The following LHFPL3 variants were observed in gnomAD, a reference collection of about 807,000 sequenced individuals.
LHFPL3 encodes LHFPL tetraspan subfamily member 3 protein.
Under a neutral mutation model 19.3 loss-of-function variants are expected in LHFPL3, and 5 were observed. The observed-to-expected ratio is 0.26, with a 90% CI of 0.14 to 0.54. The LOEUF is 0.54. Among genes scored for constraint, LHFPL3 ranks in the 20% least tolerant of loss-of-function variants. LHFPL3 has a pLI of 0.94. For missense variants in LHFPL3, 249 were observed against 307.4 expected, an observed-to-expected ratio of 0.81 and a Z score of 1.42; for synonymous variants, 133 against 126.2, an observed-to-expected ratio of 1.05 and a Z score of -0.36.
chr7:104,527,437 G>A (rs956288587), intron 1 of LHFPL3, among the ~76,000 whole-genome samples: 1 of 152,098 alleles, frequency 6.6e-6, no homozygotes, highest in African/African-American at 2.4e-5. Flanking sequence ...GCGAGGTGTG[G>A]ACAGATTTGG....
intron 1 of LHFPL3, among the ~76,000 whole-genome samples, chr7:104,356,714 A>G (rs1371568531): frequency 1.3e-5 from 2 of 152,196 alleles, no homozygotes; most frequent in African/African-American, 4.8e-5. Flanking sequence ...GCTAGTCATT[A>G]TAGGATCCCA....
At chr7:104,392,893 A>G (rs1791105991) in intron 1 of LHFPL3, among the ~76,000 whole-genome samples, 1 of 152,174 alleles carries the variant, frequency 6.6e-6, no homozygotes, top group East Asian at 1.9e-4. Context: ...TAGGGATTCA[A>G]CTTCTTCCTG....
chr7:104,563,267 G>A (rs1353707721), intron 1 of LHFPL3, among the ~76,000 whole-genome samples: 3 of 152,320 alleles, frequency 2.0e-5, no homozygotes, highest in African/African-American at 4.8e-5. Flanking sequence ...AATGGCGGGC[G>A]CCCCTCCCCC....
intron 2 of LHFPL3, among the ~76,000 whole-genome samples, chr7:104,783,571 C>A (rs35331234): frequency 0.18 from 27,203 of 152,178 alleles, 3,424 homozygotes; most frequent in East Asian, 0.72. Context: ...TTGTAATCAG[C>A]AGTTGGATCA....
At chr7:104,374,252 A>AT (rs1436111519) in intron 1 of LHFPL3, among the ~76,000 whole-genome samples, 5 of 150,050 alleles carry the variant, frequency 3.3e-5, no homozygotes, top group South Asian at 2.1e-4. Context: ...ATACATATAT[A>AT]TTTTTTTTAA....
At chr7:104,741,719 G>A (rs1008389035) in intron 2 of LHFPL3, among the ~76,000 whole-genome samples, 6 of 151,834 alleles carry the variant, frequency 4.0e-5, no homozygotes, top group African/African-American at 9.7e-5. Context: ...GTGTATTGGC[G>A]GCGGGGGTTG....
rs559004403 is a variant in LHFPL3 at position 104,440,753 on chromosome 7, G to T, written c.445+111529G>T. Among the ~76,000 whole-genome samples the T allele has an allele frequency of 1.3e-4, 20 of 152,250 alleles. No individual in the cohort carries two copies. In the East Asian group the frequency reaches 3.9e-3, roughly 29 times the overall value. Reference sequence around the variant, plus strand: ...AAATCAACCATTATTTCTAAGGAATGTTGGTTATCTACATGTAGAATATTT... The same window carrying T: ...AAATCAACCATTATTTCTAAGGAATTTTGGTTATCTACATGTAGAATATTT... On this transcript the variant is annotated intron_variant, in intron 1 of 2. Transcript: ENST00000424859.
intron 1 of LHFPL3, among the ~76,000 whole-genome samples, chr7:104,557,433 G>C (rs963761680): frequency 6.6e-6 from 1 of 152,138 alleles, no homozygotes; most frequent in Non-Finnish European, 1.5e-5. Context: ...AAAACCATCA[G>C]ATCTTGTGGG....
chr7:104,847,235 T>G (rs1330605661), intron 2 of LHFPL3, among the ~76,000 whole-genome samples: 2 of 152,190 alleles, frequency 1.3e-5, no homozygotes, highest in African/African-American at 4.8e-5. Context: ...CTCTGGAACT[T>G]GAGCAGACCC....
chr7:104,469,636 C>T (rs780376061), intron 1 of LHFPL3, among the ~76,000 whole-genome samples: 2 of 152,126 alleles, frequency 1.3e-5, no homozygotes, highest in Non-Finnish European at 2.9e-5. Flanking sequence ...GGACTTAGCC[C>T]TGGGGGATTT....
chr7:104,507,027 G>T (rs1228803673), intron 1 of LHFPL3, among the ~76,000 whole-genome samples: 1 of 152,176 alleles, frequency 6.6e-6, no homozygotes, highest in Non-Finnish European at 1.5e-5. Context: ...TTAGAAGAGA[G>T]AACTGGTGTC....
At chr7:104,434,045 T>C (rs1792054346) in intron 1 of LHFPL3, among the ~76,000 whole-genome samples, 1 of 152,256 alleles carries the variant, frequency 6.6e-6, no homozygotes, top group African/African-American at 2.4e-5. Flanking sequence ...ATTGGGGTTA[T>C]TGTTTTCCAT....
intron 2 of LHFPL3, among the ~76,000 whole-genome samples, chr7:104,847,009 C>T (rs1444471145): frequency 2.0e-5 from 3 of 152,146 alleles, no homozygotes; most frequent in Non-Finnish European, 2.9e-5. Context: ...GGAGCAAGGG[C>T]CTTGTGAATT....
At chr7:104,420,469 T>G (rs1194484373) in intron 1 of LHFPL3, among the ~76,000 whole-genome samples, 3 of 152,152 alleles carry the variant, frequency 2.0e-5, no homozygotes, top group Non-Finnish European at 4.4e-5. Flanking sequence ...TATTAAATTC[T>G]GTATAATGAC....
rs67980957 is a variant in LHFPL3, at chr7:104,840,308, CTTTTTT to C, written c.683-65867_683-65862del. Among the ~76,000 whole-genome samples the C allele has an allele frequency of 2.3e-3, 275 of 118,388 alleles. 4 individuals carry two copies. The highest frequency in any genetic ancestry group is 8.7e-3 in the African/African-American group (270 of 31,196). 77.7% of individuals were successfully genotyped at this position (118,388 alleles called of 152,430 possible). A position where few individuals can be genotyped will look rare whatever the true frequency, so the allele number is the denominator to read the frequency against. On this transcript the variant is annotated intron_variant, in intron 2 of 2. Transcript: ENST00000424859. ...TTTTCTGTCTTTTCTTGTGGGTTTT[CTTTTTT>C]TTTTTTTTTTTCTCCTTTTGAGACA...
rs577323527 is a variant in LHFPL3, at chr7:104,608,577, C to T, written c.446-128098C>T. On this transcript the variant is annotated intron_variant, in intron 1 of 2. Coordinates refer to ENST00000424859, the MANE Select transcript of LHFPL3 (RefSeq NM_199000.3). ...CGAGTTAATGGGTGCAGTACACCAA[C>T]ATGGCACATGTATACATATGTAACA... is the stretch of plus-strand genomic sequence containing the variant. Among the ~76,000 whole-genome samples, 1,335 of 151,232 alleles carry T rather than the reference C, an allele frequency of 8.8e-3. 20 individuals are homozygous for T. Among genetic ancestry groups the T allele is most frequent in the African/African-American group, 0.031 (1,267 of 41,154 alleles).
chr7:104,620,773 G>A (rs1584444276), intron 1 of LHFPL3, among the ~76,000 whole-genome samples: 1 of 152,170 alleles, frequency 6.6e-6, no homozygotes, highest in South Asian at 2.1e-4. Context: ...ACAGTTTGGG[G>A]GTTTATGATC....
intron 1 of LHFPL3, among the ~76,000 whole-genome samples, chr7:104,446,668 G>A (rs918961346): frequency 4.0e-5 from 6 of 151,898 alleles, no homozygotes; most frequent in Middle Eastern, 3.4e-3. Flanking sequence ...CTCTACCTCC[G>A]GGGTTCAAGT....
chr7:104,899,535 C>G (rs565620263), intron 2 of LHFPL3, among the ~76,000 whole-genome samples: 2 of 152,268 alleles, frequency 1.3e-5, no homozygotes, highest in African/African-American at 4.8e-5. Context: ...TGATACGAAG[C>G]TGGTAGTCTT....
Sources: allele counts gnomAD v4.1 joint callset (sites outside exome capture counted in the v4.1 genomes callset), GRCh38; gene constraint gnomAD v4.1.1; transcripts MANE v1.5; gene names NCBI Gene and HGNC (gene_info 2026-07-23, HGNC 2026-07-21).